Variants in AQR observed in about 807,000 individuals in gnomAD.
AQR encodes the protein RNA helicase aquarius.
Under a neutral mutation model 180.5 loss-of-function variants are expected in AQR, and 61 were observed. That is an observed-to-expected ratio of 0.34 (90% CI 0.28 to 0.42). The LOEUF (loss-of-function observed/expected upper bound fraction) is 0.42, where lower values mean the gene tolerates loss of function less well. AQR is among the 10% of genes least tolerant of loss of function. The pLI, the probability that AQR is intolerant of heterozygous loss-of-function variation, is 1.00. For synonymous variants in AQR, 551 were observed against 588.8 expected, an observed-to-expected ratio of 0.94 and a Z score of 0.93; for missense variants, 1,281 against 1,798.3, an observed-to-expected ratio of 0.71 and a Z score of 5.20.
rs75861957 is a variant in AQR, at chr15:34,857,125, A to C, written c.4144-19T>G. On this transcript the variant is annotated intron_variant, in intron 34 of 34. Coordinates refer to ENST00000156471, the MANE Select transcript of AQR (RefSeq NM_014691.3). ...ATAAAGTCTAATTAAAAAAAAAAAAACAAAGACAATACCAATATGAAAAAC... is the reference window on the plus strand; with the variant it reads ...ATAAAGTCTAATTAAAAAAAAAAAACCAAAGACAATACCAATATGAAAAAC... 2.6e-6 allele frequency: 4 copies of C among 1,524,142 alleles called. No individual in the cohort carries two copies. The highest frequency in any genetic ancestry group is 3.5e-6 in the Non-Finnish European group (4 of 1,139,828). 94.4% of individuals were successfully genotyped at this position (1,524,142 alleles called of 1,614,324 possible). A position where few individuals can be genotyped will look rare whatever the true frequency, so the allele number is the denominator to read the frequency against.
rs771864659 is a variant in AQR at position 34,893,660 on chromosome 15, T to A, written c.2571+3A>T. The A allele has an allele frequency of 6.5e-7, 1 of 1,533,164 alleles. No individual in the cohort carries two copies. The highest frequency in any genetic ancestry group is 1.4e-5 in the African/African-American group (1 of 72,932). The allele number at this position is 1,533,164 out of a possible 1,614,324, so 95.0% of individuals were successfully genotyped here. ...ACACACACACACACACACAGTCATT[T>A]ACCTGATTGGAATGAGTAACAATTA... On this transcript the variant is annotated splice_donor_region_variant and intron_variant, in intron 23 of 34. Transcript: ENST00000156471.
At chr15:34,916,223 A>G (rs960470471) in intron 15 of AQR, among the ~76,000 whole-genome samples, 4 of 152,172 alleles carry the variant, frequency 2.6e-5, no homozygotes, top group Admixed American at 6.5e-5. Context: ...TCAATCTCCA[A>G]TGATTATTAT....
intron 13 of AQR, among the ~76,000 whole-genome samples, chr15:34,921,195 T>C (rs1893678976): frequency 6.6e-6 from 1 of 152,122 alleles, no homozygotes; most frequent in South Asian, 2.1e-4. Context: ...CCCAGTACTT[T>C]GAGGCCGAGG....
intron 5 of AQR, among the ~76,000 whole-genome samples, chr15:34,945,220 A>G (rs1193745224): frequency 6.6e-6 from 1 of 152,234 alleles, no homozygotes; most frequent in African/African-American, 2.4e-5. Context: ...TTCCTCTACT[A>G]GATGACTTAA....
intron 31 of AQR, 21 bp downstream of exon 31, chr15:34,870,731 A>G: frequency 1.3e-6 from 2 of 1,596,568 alleles, no homozygotes; most frequent in Non-Finnish European, 1.7e-6. Context: ...ATAAGAGAAC[A>G]TATTATAATT....
chr15:34,949,858 C>G (rs944939035), intron 4 of AQR, among the ~76,000 whole-genome samples: 3 of 148,546 alleles, frequency 2.0e-5, no homozygotes, highest in Non-Finnish European at 3.0e-5. Flanking sequence ...CCCAACTACT[C>G]AGGAGGCTGA....
intron 23 of AQR, among the ~76,000 whole-genome samples, chr15:34,891,285 T>A (rs990995447): frequency 6.6e-6 from 1 of 152,162 alleles, no homozygotes; most frequent in African/African-American, 2.4e-5. Flanking sequence ...ACCTTCACTA[T>A]TCAAACTCAA....
intron 12 of AQR, among the ~76,000 whole-genome samples, chr15:34,929,709 CAA>C (rs1479953818): frequency 6.6e-6 from 1 of 152,192 alleles, no homozygotes; most frequent in Non-Finnish European, 1.5e-5. Flanking sequence ...TTACCCCCAA[CAA>C]AAGACTCTTT....
chr15:34,860,996 T>C (rs566499276), intron 33 of AQR, among the ~76,000 whole-genome samples: 1 of 152,326 alleles, frequency 6.6e-6, no homozygotes, highest in Non-Finnish European at 1.5e-5. Flanking sequence ...GCACTTCTTT[T>C]TAAACCACCC....
intron 20 of AQR, among the ~76,000 whole-genome samples, chr15:34,898,964 G>A (rs1161882666): frequency 1.3e-5 from 2 of 150,862 alleles, no homozygotes; most frequent in African/African-American, 2.4e-5. Flanking sequence ...TCAGCAGATC[G>A]AGACCATCCT....
intron 17 of AQR, among the ~76,000 whole-genome samples, chr15:34,908,334 G>T (rs1893450396): frequency 6.6e-6 from 1 of 152,058 alleles, no homozygotes; most frequent in Admixed American, 6.5e-5. Flanking sequence ...CTACTCGGGA[G>T]GCTGAGGCAG....
chr15:34,930,186 C>A, intron 12 of AQR, 72 bp downstream of exon 12: 5 of 846,674 alleles, frequency 5.9e-6, no homozygotes, highest in Middle Eastern at 3.1e-4. Context: ...CAATCTGTAC[C>A]TATACAAAAC....
intron 6 of AQR, among the ~76,000 whole-genome samples, chr15:34,942,390 C>T (rs1894037688): frequency 6.6e-6 from 1 of 152,222 alleles, no homozygotes; most frequent in African/African-American, 2.4e-5. Flanking sequence ...CGTGCACATT[C>T]TCAGGTGAGA....
intron 13 of AQR, among the ~76,000 whole-genome samples, chr15:34,926,067 T>G (rs1207386569): frequency 6.6e-6 from 1 of 151,920 alleles, no homozygotes; most frequent in Non-Finnish European, 1.5e-5. Context: ...CTCAGGAGGC[T>G]GAGGCAGGAG....
chr15:34,897,805 G>C (rs1366302609), intron 20 of AQR, 100 bp from the exon 21 acceptor site: 3 of 1,313,382 alleles, frequency 2.3e-6, no homozygotes, highest in Non-Finnish European at 3.2e-6. Flanking sequence ...AGAGGAGTAA[G>C]AAACATTTCT....
chr15:34,928,451 G>GT (rs948294089), intron 12 of AQR, among the ~76,000 whole-genome samples: 4 of 152,060 alleles, frequency 2.6e-5, no homozygotes, highest in South Asian at 2.1e-4. Context: ...GCGGTGTTTG[G>GT]TTTTTTGTTC....
intron 4 of AQR, among the ~76,000 whole-genome samples, chr15:34,949,102 C>A (rs548956269): frequency 1.2e-3 from 175 of 151,958 alleles, no homozygotes; most frequent in Admixed American, 1.8e-3. Context: ...AAGCAATTCT[C>A]CTGCCTCTGC....
intron 30 of AQR, among the ~76,000 whole-genome samples, chr15:34,871,544 C>CA (rs1290361684): frequency 2.0e-5 from 3 of 150,736 alleles, no homozygotes; most frequent in African/African-American, 7.3e-5. Context: ...CAATGTGCCA[C>CA]AACTGTAGTT....
chr15:34,940,720 G>C (rs758990377), intron 8 of AQR, among the ~76,000 whole-genome samples, 179 bp downstream of exon 8: 1 of 152,152 alleles, frequency 6.6e-6, no homozygotes, highest in Non-Finnish European at 1.5e-5. Context: ...TGATGCTCTG[G>C]CTTCTGCTTT....
Sources: gnomAD v4.1 joint callset for allele counts (sites outside exome capture counted in the v4.1 genomes callset) on GRCh38, gnomAD v4.1.1 for gene constraint, MANE v1.5 for transcripts, NCBI Gene and HGNC (gene_info 2026-07-23, HGNC 2026-07-21) for gene names.